The following DNAH9 variants were observed in gnomAD, a reference collection of about 807,000 sequenced individuals.
The protein encoded by DNAH9 is dynein axonemal heavy chain 9, also known as DNAH9 variant protein.
DNAH9 carries 345 observed loss-of-function variants against 471.6 expected under a neutral mutation model. That is an observed-to-expected ratio of 0.73 (90% CI 0.67 to 0.80). The LOEUF is 0.80. DNAH9 is among the 30% of genes least tolerant of loss of function. DNAH9 has a pLI of 0.00. For synonymous variants in DNAH9, 2,093 were observed against 2,123.6 expected (o/e 0.99, Z 0.40); for missense variants, 5,407 against 5,609.2 (o/e 0.96, Z 1.15).
intron 48 of DNAH9, among the ~76,000 whole-genome samples, chr17:11,827,452 A>T (rs1970536440): frequency 6.6e-6 from 1 of 152,146 alleles, no homozygotes; most frequent in South Asian, 2.1e-4. Flanking sequence ...AGAGTTGGGG[A>T]GGAGGTGCCA....
At chr17:11,949,065 C>A (rs1234585401) in intron 67 of DNAH9, among the ~76,000 whole-genome samples, 1 of 152,188 alleles carries the variant, frequency 6.6e-6, no homozygotes, top group African/African-American at 2.4e-5. Context: ...CTACAGCCTA[C>A]AAATCCAAGC....
intron 43 of DNAH9, among the ~76,000 whole-genome samples, chr17:11,800,467 A>G (rs1483742995): frequency 6.6e-6 from 1 of 151,940 alleles, no homozygotes; most frequent in Non-Finnish European, 1.5e-5. Context: ...CAAACATGCT[A>G]TGTTATCATT....
rs755059884 is a variant in DNAH9 at position 11,757,699 on chromosome 17, C to G, written c.6995+7C>G. The G allele has an allele frequency of 6.2e-7, 1 of 1,613,246 alleles. No homozygotes were observed. The highest frequency in any genetic ancestry group is 8.5e-7 in the Non-Finnish European group (1 of 1,179,824). On this transcript the variant is annotated splice_region_variant and intron_variant, in intron 35 of 68. Coordinates refer to ENST00000262442, the MANE Select transcript of DNAH9 (RefSeq NM_001372.4). ...TAGACACACTCAGAACCAGGTAGGCCAAGAAACAAGGAAGATAGAGAGTTA... is the reference window on the plus strand; with the variant it reads ...TAGACACACTCAGAACCAGGTAGGCGAAGAAACAAGGAAGATAGAGAGTTA...
At chr17:11,844,874 G>GTTTTGATT (rs1971159983) in intron 49 of DNAH9, among the ~76,000 whole-genome samples, 1 of 152,050 alleles carries the variant, frequency 6.6e-6, no homozygotes, top group African/African-American at 2.4e-5. Flanking sequence ...TTTCATTGCG[G>GTTTTGATT]TTTTGATTTG....
chr17:11,682,319 T>C (rs1370370403), intron 19 of DNAH9, among the ~76,000 whole-genome samples: 1 of 152,028 alleles, frequency 6.6e-6, no homozygotes, highest in Non-Finnish European at 1.5e-5. Context: ...ATCATAATCA[T>C]AGCCTACTGC....
Position 11,738,860 on chromosome 17 carries a change from C to T in DNAH9, c.5815-20C>T, listed in dbSNP as rs1331690393. ...TAAAAGGCAATTGAGGAATTTCTCG[C>T]TGATTGATTGGTTCACCAGGTAAAA... is the stretch of plus-strand genomic sequence containing the variant. On this transcript the variant is annotated intron_variant, in intron 28 of 68. Transcript: ENST00000262442. The T allele has an allele frequency of 6.2e-7, 1 of 1,611,750 alleles. No homozygotes were observed. The highest frequency in any genetic ancestry group is 1.3e-5 in the African/African-American group (1 of 74,882).
intron 67 of DNAH9, among the ~76,000 whole-genome samples, chr17:11,960,435 T>TA (rs3074845): frequency 0.063 from 3,404 of 53,962 alleles, 246 homozygotes; most frequent in Non-Finnish European, 0.071. Context: ...GACTCTGTCT[T>TA]AAAAAAAAAA....
At chr17:11,822,693 G>A in intron 47 of DNAH9, 94 bp downstream of exon 47, 1 of 1,591,192 alleles carries the variant, frequency 6.3e-7, no homozygotes, top group Non-Finnish European at 8.6e-7. Flanking sequence ...GATCAAGCTT[G>A]AAGCATAAGT....
intron 28 of DNAH9, among the ~76,000 whole-genome samples, chr17:11,736,764 A>G (rs1356667244): frequency 6.6e-6 from 1 of 152,248 alleles, no homozygotes; most frequent in South Asian, 2.1e-4. Context: ...AAAGTGCATC[A>G]TAAATTCTTG....
At chr17:11,818,120 C>T (rs75591981) in intron 45 of DNAH9, among the ~76,000 whole-genome samples, 7,309 of 152,276 alleles carry the variant, frequency 0.048, 610 homozygotes, top group African/African-American at 0.17. Context: ...CTTTGAGGAC[C>T]TCACCAAAGT....
At chr17:11,609,784 T>C (rs1445514908) in intron 2 of DNAH9, among the ~76,000 whole-genome samples, 2 of 152,234 alleles carry the variant, frequency 1.3e-5, no homozygotes, top group African/African-American at 4.8e-5. Flanking sequence ...AATTCTATTC[T>C]TCACTGGAAC....
Position 11,623,609 on chromosome 17 carries a change from G to A in DNAH9, c.1350+3828G>A, listed in dbSNP as rs2072916272. ...TCAGCTGTCCTCTGGCATATTTCAT[G>A]TAGGCCTTTAGTTAATATTCTGTGT... is the stretch of plus-strand genomic sequence containing the variant. On this transcript the variant is annotated intron_variant, in intron 6 of 68. Coordinates refer to ENST00000262442, the MANE Select transcript of DNAH9 (RefSeq NM_001372.4). The surrounding 1 kb of genome is among the most constrained non-coding windows in gnomAD (Gnocchi z 4.1). Among the ~76,000 whole-genome samples, 1 of 152,130 alleles carries A rather than the reference G, an allele frequency of 6.6e-6. No individual in the cohort carries two copies.
chr17:11,884,165 C>T (rs757761692), intron 56 of DNAH9, among the ~76,000 whole-genome samples: 5 of 152,106 alleles, frequency 3.3e-5, no homozygotes, highest in Non-Finnish European at 5.9e-5. Context: ...CCCACCGGAC[C>T]GCAGAATCTC....
intron 19 of DNAH9, among the ~76,000 whole-genome samples, chr17:11,687,093 C>T (rs1268048785): frequency 6.6e-6 from 1 of 152,146 alleles, no homozygotes; most frequent in Non-Finnish European, 1.5e-5. Flanking sequence ...CTTTCTTCCT[C>T]ATAAGGGAGA....
rs568743107 is a variant in DNAH9, at chr17:11,690,102, C to T, written c.4280C>T (p.Ala1427Val). The T allele has an allele frequency of 1.8e-5, 29 of 1,614,184 alleles. 1 individual carries two copies. In the South Asian group the frequency reaches 2.9e-4, roughly 16 times the overall value. Reference sequence around the variant, plus strand: ...GAGGTCCGGGGCATTGTGGACAAAGCTGCAAAAGAGATGGGTATGGAGAAA... The same window carrying T: ...GAGGTCCGGGGCATTGTGGACAAAGTTGCAAAAGAGATGGGTATGGAGAAA... Reference protein sequence around the residue: ...EDEVRGIVDKAAKEMGMEKTL... With the variant: ...EDEVRGIVDKVAKEMGMEKTL... Residue 1427 changes from alanine (A) to valine (V), a missense_variant, in exon 20 of 69, where the codon GCT becomes GTT. Ala to Val is a moderately conservative substitution (Grantham distance 64). Coordinates refer to ENST00000262442, the MANE Select transcript of DNAH9 (RefSeq NM_001372.4).
chr17:11,934,245 T>C (rs143114504), intron 65 of DNAH9, among the ~76,000 whole-genome samples, 174 bp downstream of exon 65: 1 of 152,276 alleles, frequency 6.6e-6, no homozygotes, highest in Non-Finnish European at 1.5e-5. Context: ...AATCTGGTCC[T>C]ATGCCCCAAG....
At position 11,727,042 on chromosome 17, in the gene DNAH9, C is replaced by T. The variant is rs528714966; in HGVS notation, c.5710-776C>T. Among the ~76,000 whole-genome samples, 658 of 81,088 alleles carry T rather than the reference C, an allele frequency of 8.1e-3. 4 individuals are homozygous for T. The highest frequency in any genetic ancestry group is 0.03 in the African/African-American group (616 of 20,648). 53.2% of individuals were successfully genotyped at this position (81,088 alleles called of 152,430 possible). ...CAGCCTGGGCAACAGAGTGAGACTC[C>T]GTCTCAAAAAAAAAAAAAAAAAAAA... On this transcript the variant is annotated intron_variant, in intron 27 of 68. Transcript: ENST00000262442.
At chr17:11,872,710 G>A (rs1222106245) in intron 52 of DNAH9, among the ~76,000 whole-genome samples, 6 of 152,114 alleles carry the variant, frequency 3.9e-5, no homozygotes, top group African/African-American at 1.2e-4. Context: ...CACGAGGTCA[G>A]GAGATCGAGA....
intron 43 of DNAH9, among the ~76,000 whole-genome samples, chr17:11,801,296 A>G (rs778932144): frequency 6.6e-6 from 1 of 152,086 alleles, no homozygotes; most frequent in Non-Finnish European, 1.5e-5. Flanking sequence ...CCCTAATCTG[A>G]TGTGAGCTCC....
Sources: allele counts gnomAD v4.1 joint callset (sites outside exome capture counted in the v4.1 genomes callset), GRCh38; gene constraint gnomAD v4.1.1; non-coding constraint Gnocchi (gnomAD v3.1); transcripts MANE v1.5; gene names NCBI Gene and HGNC (gene_info 2026-07-23, HGNC 2026-07-21).